The following CARM1 variants were observed in gnomAD, a reference collection of about 807,000 sequenced individuals.
CARM1 encodes the protein coactivator associated arginine methyltransferase 1, also known as histone-arginine methyltransferase CARM1.
CARM1 carries 14 observed loss-of-function variants against 72.7 expected under a neutral mutation model. That is an observed-to-expected ratio of 0.19 (90% CI 0.13 to 0.30). The LOEUF (loss-of-function observed/expected upper bound fraction) is 0.30, where lower values mean the gene tolerates loss of function less well. CARM1 is among the 10% of genes least tolerant of loss of function. The pLI is 1.00. For missense variants in CARM1, 432 were observed against 833.7 expected (o/e 0.52, Z 5.93); for synonymous variants, 333 against 345.5 (o/e 0.96, Z 0.40).
intron 1 of CARM1, among the ~76,000 whole-genome samples, chr19:10,900,373 A>C (rs2074054996): frequency 2.0e-5 from 3 of 152,138 alleles, no homozygotes; most frequent in Non-Finnish European, 2.9e-5. Flanking sequence ...GTTGCTCCCC[A>C]TTCCTGCCTT....
intron 1 of CARM1, among the ~76,000 whole-genome samples, chr19:10,892,950 G>C (rs1231181387): frequency 6.6e-6 from 1 of 152,134 alleles, no homozygotes; most frequent in Admixed American, 6.5e-5. Flanking sequence ...GGCCAGGCTG[G>C]TCTCAAACTC....
At chr19:10,886,692 G>A (rs1044432830) in intron 1 of CARM1, among the ~76,000 whole-genome samples, 1 of 152,076 alleles carries the variant, frequency 6.6e-6, no homozygotes, top group African/African-American at 2.4e-5. Flanking sequence ...TTAGCCGGGT[G>A]CAGTGGCAGG....
intron 8 of CARM1, among the ~76,000 whole-genome samples, chr19:10,917,412 G>A (rs572966592): frequency 2.0e-5 from 3 of 152,212 alleles, no homozygotes; most frequent in African/African-American, 7.2e-5. Flanking sequence ...GGGAGGCAGA[G>A]CTTGCAGTGA....
At chr19:10,921,209 G>T in intron 14 of CARM1, 82 bp downstream of exon 14, 2 of 1,493,714 alleles carry the variant, frequency 1.3e-6, no homozygotes, top group South Asian at 2.3e-5. Context: ...TGGTGACCAG[G>T]GTCGGCCTCT....
At position 10,920,639 on chromosome 19, in the gene CARM1, G is replaced by A. The variant is rs547674337; in HGVS notation, c.1335-20G>A. On this transcript the variant is annotated intron_variant, in intron 11 of 15. Transcript: ENST00000327064. The surrounding 1 kb of genome is among the most constrained non-coding windows in gnomAD (Gnocchi z 5.3). ...CCATCTGCCCAGCAGCTCATGCCAC[G>A]GCCTGCACCCTGTCCGCAGACAGAG... 2.4e-5 allele frequency: 38 copies of A among 1,613,976 alleles called. No individual in the cohort carries two copies. Among genetic ancestry groups the A allele is most frequent in the Non-Finnish European group, 3.1e-5 (36 of 1,179,970 alleles).
At chr19:10,903,724 C>G (rs1318118416) in intron 1 of CARM1, among the ~76,000 whole-genome samples, 3 of 152,134 alleles carry the variant, frequency 2.0e-5, no homozygotes, top group African/African-American at 7.2e-5. Flanking sequence ...CTCTGTCCAG[C>G]TCCCCAGTTG....
Position 10,921,792 on chromosome 19 carries a change from C to T in CARM1, c.*35C>T. 1 of 1,552,308 alleles carries T rather than the reference C, an allele frequency of 6.4e-7. No individual in the cohort carries two copies. The highest frequency in any genetic ancestry group is 8.7e-7 in the Non-Finnish European group (1 of 1,144,558). On this transcript the variant is annotated 3_prime_UTR_variant, in exon 16 of 16. Transcript: ENST00000327064. Reference sequence around the variant, plus strand: ...CCGCGGACTGACAGCACCAGGAAACCAAATGATGTCCCTGCCCGCCGCCCC... The same window carrying T: ...CCGCGGACTGACAGCACCAGGAAACTAAATGATGTCCCTGCCCGCCGCCCC...
chr19:10,921,206 C>G lies in CARM1; in HGVS notation c.1615+79C>G, dbSNP rs558988554. The G allele has an allele frequency of 1.6e-5, 24 of 1,496,764 alleles. No homozygotes were observed. In the African/African-American group the frequency reaches 2.9e-4, roughly 18 times the overall value. The allele number at this position is 1,496,764 out of a possible 1,614,324, so 92.7% of individuals were successfully genotyped here. On this transcript the variant is annotated intron_variant, in intron 14 of 15. Coordinates refer to ENST00000327064, the MANE Select transcript of CARM1 (RefSeq NM_199141.2). ...GGGGCCGGGAAGGGCCTGTGGTGAC[C>G]AGGGTCGGCCTCTGCTTGGTCCTTT...
intron 1 of CARM1, among the ~76,000 whole-genome samples, chr19:10,893,476 C>A (rs746836688): frequency 4.6e-5 from 7 of 152,142 alleles, no homozygotes; most frequent in Non-Finnish European, 1.0e-4. Flanking sequence ...GTAGCTGGGA[C>A]TACAGGCACC....
Position 10,921,097 on chromosome 19 carries a change from A to G in CARM1, c.1585A>G (p.Ser529Gly), listed in dbSNP as rs755363119. The change falls in exon 14 of 16, where the codon AGC becomes GGC. Residue 529 changes from serine (S) to glycine (G), a missense_variant. Physicochemically the swap from Ser to Gly is moderately conservative, Grantham distance 56 (BLOSUM62 0). Around this residue, in one of 3 missense-constraint regions of CARM1, gnomAD observed 142 missense variants for 188.7 expected, o/e 0.75. Transcript: ENST00000327064. ...DLSSVIASGS[S>G]VGHNNLIPLA... ...GAGCAGTGTTATTGCCAGTGGCTCC[A>G]GCGTGGGCCACAACAACCTGATTCC... The G allele has an allele frequency of 6.8e-6, 11 of 1,613,996 alleles. No homozygotes were observed. Among genetic ancestry groups the G allele is most frequent in the African/African-American group, 2.7e-5 (2 of 74,942 alleles).
Position 10,920,771 on chromosome 19 carries a change from A to G in CARM1, c.1424+23A>G, listed in dbSNP as rs1194940242. On this transcript the variant is annotated intron_variant, in intron 12 of 15. Transcript: ENST00000327064. This position sits in a 1 kb window ranked among gnomAD's most constrained non-coding sequence, Gnocchi z 5.3. ...TAGGTAGGAGGGGCCCCTTGCCTGCACAGGGGGGCGCCCCGGCCCTGCAAC... is the reference window on the plus strand; with the variant it reads ...TAGGTAGGAGGGGCCCCTTGCCTGCGCAGGGGGGCGCCCCGGCCCTGCAAC... The G allele has an allele frequency of 6.2e-7, 1 of 1,613,504 alleles. No individual in the cohort carries two copies. Among genetic ancestry groups the G allele is most frequent in the Non-Finnish European group, 8.5e-7 (1 of 1,179,558 alleles).
intron 1 of CARM1, among the ~76,000 whole-genome samples, chr19:10,881,865 G>A (rs1438899169): frequency 6.6e-6 from 1 of 152,158 alleles, no homozygotes; most frequent in East Asian, 1.9e-4. Context: ...TAGGAGCCCA[G>A]GGATGTGGTG....
At chr19:10,897,019 T>TAGCAGAGATCAGATTCCCC (rs1248672800) in intron 1 of CARM1, among the ~76,000 whole-genome samples, 1 of 152,228 alleles carries the variant, frequency 6.6e-6, no homozygotes, top group East Asian at 1.9e-4. Flanking sequence ...AGAATCATTG[T>TAGCAGAGATCAGATTCCCC]AGCAGAGATC....
intron 8 of CARM1, among the ~76,000 whole-genome samples, chr19:10,918,812 C>T (rs1400159363): frequency 2.0e-5 from 3 of 152,196 alleles, no homozygotes; most frequent in Non-Finnish European, 4.4e-5. Flanking sequence ...AAAGGGCTCC[C>T]TCCAGAAAGG....
rs2073813345 is a variant in CARM1 at position 10,871,589 on chromosome 19, A to AGCGGCGGCGGCGGCGGCGGCAGCG, written c.-94_-93insAGCGGCGGCGGCGGCGGCGGCGGC. ...CGGCGGCTGCGGCGGCGGTAGCGGC[A>AGCGGCGGCGGCGGCGGCGGCAGCG]GCGGCGGCGGCGGCGGCGGCGGCGG... On this transcript the variant is annotated 5_prime_UTR_variant, in exon 1 of 16. Coordinates refer to ENST00000327064, the MANE Select transcript of CARM1 (RefSeq NM_199141.2). The surrounding 1 kb of genome is among the most constrained non-coding windows in gnomAD (Gnocchi z 5.6). The AGCGGCGGCGGCGGCGGCGGCAGCG allele has an allele frequency of 8.5e-6, 1 of 117,086 alleles. No homozygotes were observed. Among genetic ancestry groups the AGCGGCGGCGGCGGCGGCGGCAGCG allele is most frequent in the African/African-American group, 3.3e-5 (1 of 29,924 alleles). The allele number at this position is 117,086 out of a possible 1,614,324, so 7.3% of individuals were successfully genotyped here.
chr19:10,886,056 C>CTTTT (rs899009522), intron 1 of CARM1, among the ~76,000 whole-genome samples: 5 of 136,498 alleles, frequency 3.7e-5, no homozygotes, highest in African/African-American at 5.3e-5. Flanking sequence ...TTCTTTCTTT[C>CTTTT]TTTTTTTTTT....
At chr19:10,917,630 T>C (rs1241823937) in intron 8 of CARM1, among the ~76,000 whole-genome samples, 2 of 152,142 alleles carry the variant, frequency 1.3e-5, no homozygotes, top group Admixed American at 1.3e-4. Flanking sequence ...TCCAATTACG[T>C]GTACAGTGAA....
chr19:10,891,839 G>A (rs936179949), intron 1 of CARM1, among the ~76,000 whole-genome samples: 3 of 152,184 alleles, frequency 2.0e-5, no homozygotes, highest in Admixed American at 1.3e-4. Flanking sequence ...ACATACAAGC[G>A]CGCACGCATA....
In CARM1 at chr19:10,913,375, G is replaced by A. The variant is rs144673218; in HGVS notation, c.670-502G>A. 1.6e-3 allele frequency among the ~76,000 whole-genome samples: 240 copies of A among 151,832 alleles called. 1 individual carries two copies. Among genetic ancestry groups the A allele is most frequent in the African/African-American group, 5.3e-3 (220 of 41,380 alleles). ...AGAGTTCGAGACCAGCCTGACCAAC[G>A]TGGCAAAACCCCATTAGCCAGGCGT... is the stretch of plus-strand genomic sequence containing the variant. On this transcript the variant is annotated intron_variant, in intron 5 of 15. Coordinates refer to ENST00000327064, the MANE Select transcript of CARM1 (RefSeq NM_199141.2).
Sources: gnomAD v4.1 joint callset for allele counts (sites outside exome capture counted in the v4.1 genomes callset) on GRCh38, gnomAD v4.1.1 for gene constraint, gnomAD v4.1.1 regional missense constraint, Gnocchi (gnomAD v3.1) non-coding constraint, MANE v1.5 for transcripts, NCBI Gene and HGNC (gene_info 2026-07-23, HGNC 2026-07-21) for gene names.